SMO: variants seen among roughly 807,000 people sequenced by gnomAD.
SMO encodes protein smoothened.
A neutral mutation model predicts 81.6 loss-of-function variants in SMO; 40 were observed. The observed-to-expected ratio is 0.49, with a 90% CI of 0.38 to 0.64. The LOEUF is 0.64. Among genes scored for constraint, SMO ranks in the 30% least tolerant of loss-of-function variants. SMO has a pLI of 0.00. For missense variants in SMO, 916 were observed against 1,061.1 expected (o/e 0.86, Z 1.90); for synonymous variants, 434 against 432.1 (o/e 1.00, Z -0.05).
chr7:129,211,654 T>A lies in SMO; in HGVS notation c.1820T>A (p.Leu607His), dbSNP rs2150655542. ...CCCACAGCGGGCTTGGCCTTTGACC[T>A]CAATGAGCCCTCAGCTGATGTCTCC... The part of the protein sequence containing the change: ...DGPVAGLAFD[L>H]NEPSADVSSA... Residue 607 changes from leucine (L) to histidine (H), a missense_variant, in exon 11 of 12, where the codon CTC becomes CAC. Around this residue, in one of 4 missense-constraint regions of SMO, gnomAD observed 324 missense variants for 312.9 expected, o/e 1.04. Coordinates refer to ENST00000249373, the MANE Select transcript of SMO (RefSeq NM_005631.5). The surrounding 1 kb of genome is among the most constrained non-coding windows in gnomAD (Gnocchi z 4.6). 3.7e-6 allele frequency: 6 copies of A among 1,613,114 alleles called. No individual in the cohort carries two copies. Among genetic ancestry groups the A allele is most frequent in the Non-Finnish European group, 5.1e-6 (6 of 1,179,972 alleles).
At chr7:129,196,302 A>C (rs1793577420) in intron 1 of SMO, among the ~76,000 whole-genome samples, 1 of 146,486 alleles carries the variant, frequency 6.8e-6, no homozygotes, top group African/African-American at 2.5e-5. Flanking sequence ...ATCACTATCT[A>C]GTAGAGAGTC....
At position 129,212,243 on chromosome 7, in the gene SMO, G is replaced by A. The variant is rs1327533871; in HGVS notation, c.2156G>A (p.Trp719Ter). Reference protein sequence around the residue: ...RQKCLVAAGAWGAGDSCRQGA... With the variant: ...RQKCLVAAGA ...AAATGCCTGGTGGCTGCAGGTGCCT[G>A]GGGAGCTGGGGACTCTTGCCGACAG... The change falls in exon 12 of 12, where the codon TGG becomes TAG. Residue 719 changes from tryptophan (W) to a stop codon, truncating the protein, a stop_gained. Transcript: ENST00000249373. LOFTEE classifies it high-confidence loss of function. This position sits in a 1 kb window ranked among gnomAD's most constrained non-coding sequence, Gnocchi z 5.0. 6 of 1,599,010 alleles carry A rather than the reference G, an allele frequency of 3.8e-6. No homozygotes were observed. Among genetic ancestry groups the A allele is most frequent in the African/African-American group, 2.7e-5 (2 of 74,586 alleles).
chr7:129,197,023 A>AG (rs1793593299), intron 1 of SMO, among the ~76,000 whole-genome samples: 1 of 151,342 alleles, frequency 6.6e-6, no homozygotes, highest in African/African-American at 2.4e-5. Flanking sequence ...TCTCAAAAAA[A>AG]AAAAAAAAAA....
In SMO at chr7:129,208,600, C is replaced by A. The variant is rs1793812310; in HGVS notation, c.1265-159C>A. Reference sequence around the variant, plus strand: ...TGTCTAGGCTCTGCCCTGGTCTTCTCACCATTTCTCCAGTGTCTCTAGCTC... The same window carrying A: ...TGTCTAGGCTCTGCCCTGGTCTTCTAACCATTTCTCCAGTGTCTCTAGCTC... On this transcript the variant is annotated intron_variant, in intron 6 of 11. Transcript: ENST00000249373. This position sits in a 1 kb window ranked among gnomAD's most constrained non-coding sequence, Gnocchi z 5.2. Among the ~76,000 whole-genome samples, 3 of 152,138 alleles carry A rather than the reference C, an allele frequency of 2.0e-5. No individual in the cohort carries two copies. In the South Asian group the frequency reaches 6.2e-4, roughly 32 times the overall value.
At chr7:129,201,939 C>T (rs1244002670) in intron 1 of SMO, among the ~76,000 whole-genome samples, 2 of 152,114 alleles carry the variant, frequency 1.3e-5, no homozygotes, top group African/African-American at 4.8e-5. Flanking sequence ...CCTTTGCCTC[C>T]CAAAGTGCTG....
intron 7 of SMO, 22 bp from the exon 8 acceptor site, chr7:129,209,267 G>A: frequency 6.8e-7 from 1 of 1,467,990 alleles, no homozygotes; most frequent in South Asian, 1.1e-5. Context: ...GTAACGTCCT[G>A]TCCTGCCCCT....
chr7:129,200,277 C>T lies in SMO; in HGVS notation c.332-3107C>T, dbSNP rs191068690. Among the ~76,000 whole-genome samples, 1,079 of 152,106 alleles carry T rather than the reference C, an allele frequency of 7.1e-3. 13 individuals are homozygous for T. Among genetic ancestry groups the T allele is most frequent in the African/African-American group, 0.024 (983 of 41,506 alleles). On this transcript the variant is annotated intron_variant, in intron 1 of 11. Transcript: ENST00000249373. The stretch of plus-strand genomic sequence containing the variant: ...CTAAAAATACAAAAAAAAAATTAGC[C>T]GGGTGTGGTGGCGGGCGCCTGTAAT...
Position 129,212,606 on chromosome 7 carries a change from G to A in SMO, c.*155G>A. 1.4e-6 allele frequency: 1 copy of A among 710,112 alleles called. No homozygotes were observed. Among genetic ancestry groups the A allele is most frequent in the Non-Finnish European group, 2.3e-6 (1 of 435,706 alleles). The allele number at this position is 710,112 out of a possible 1,614,324, so 44.0% of individuals were successfully genotyped here. A position where few individuals can be genotyped will look rare whatever the true frequency, so the allele number is the denominator to read the frequency against. On this transcript the variant is annotated 3_prime_UTR_variant, in exon 12 of 12. Transcript: ENST00000249373. The surrounding 1 kb of genome is among the most constrained non-coding windows in gnomAD (Gnocchi z 5.0). ...AGTTCTGGATGTCTGGCTCAAAGCA[G>A]CAGGACTGTGGGAAAGAGCCTAACA...
At chr7:129,196,327 T>TTGTGTGTGTGTGTGTGTGTGTGTGTG (rs57674265) in intron 1 of SMO, among the ~76,000 whole-genome samples, 2 of 145,030 alleles carry the variant, frequency 1.4e-5, no homozygotes, top group Non-Finnish European at 3.0e-5. Flanking sequence ...CTATTCTTGA[T>TTGTGTGTGTGTGTGTGTGTGTGTGTG]TGTGTGTGTG....
chr7:129,208,035 A>G lies in SMO; in HGVS notation c.1265-724A>G, dbSNP rs1442415896. Among the ~76,000 whole-genome samples the G allele has an allele frequency of 6.6e-6, 1 of 152,182 alleles. No homozygotes were observed. Among genetic ancestry groups the G allele is most frequent in the African/African-American group, 2.4e-5 (1 of 41,448 alleles). On this transcript the variant is annotated intron_variant, in intron 6 of 11. Transcript: ENST00000249373. This position sits in a 1 kb window ranked among gnomAD's most constrained non-coding sequence, Gnocchi z 5.2. Reference sequence around the variant, plus strand: ...ATTAATAATTTGTTACATGGATTACATGTTGAAATGATTTTATTTTGAATA... The same window carrying G: ...ATTAATAATTTGTTACATGGATTACGTGTTGAAATGATTTTATTTTGAATA...
Position 129,213,066 on chromosome 7 carries a change from CCTT to C in SMO, c.*621_*623del, listed in dbSNP as rs1010311698. 8.2e-6 allele frequency: 2 copies of C among 244,768 alleles called. No individual in the cohort carries two copies. Among genetic ancestry groups the C allele is most frequent in the Middle Eastern group, 2.4e-3 (2 of 838 alleles). 15.2% of individuals were successfully genotyped at this position (244,768 alleles called of 1,614,324 possible). On this transcript the variant is annotated 3_prime_UTR_variant, in exon 12 of 12. Coordinates refer to ENST00000249373, the MANE Select transcript of SMO (RefSeq NM_005631.5). ...CCCATCTTTTGTTCTCCTATATCCT[CCTT>C]CTTCTGTTCCATTTCAGTTCAGTTT...
At position 129,205,741 on chromosome 7, in the gene SMO, C is replaced by A. The variant is rs763465260; in HGVS notation, c.879C>A (p.Ile293=). ...AQFMDGARRE[I]VCRADGTMRL... ...TCATGGATGGTGCCCGCCGAGAGATCGTCTGCCGTGCAGATGGCACCATGA... is the reference window on the plus strand; with the variant it reads ...TCATGGATGGTGCCCGCCGAGAGATAGTCTGCCGTGCAGATGGCACCATGA... Residue 293 remains isoleucine, a synonymous_variant, in exon 4 of 12, where the codon ATC becomes ATA. Transcript: ENST00000249373. The A allele has an allele frequency of 1.9e-6, 3 of 1,610,332 alleles. No homozygotes were observed. The highest frequency in any genetic ancestry group is 1.7e-5 in the Admixed American group (1 of 60,034).
rs777367796 is a variant in SMO at position 129,211,903 on chromosome 7, T to C, written c.1937-121T>C. ...CCCCAGAGGATCTGAAGAGTGGGGC[T>C]GAGGCTCTAAGAGTCTAGAGACCTG... On this transcript the variant is annotated intron_variant, in intron 11 of 11. Transcript: ENST00000249373. The surrounding 1 kb of genome is among the most constrained non-coding windows in gnomAD (Gnocchi z 4.6). 1.5e-5 allele frequency: 21 copies of C among 1,419,860 alleles called. No individual in the cohort carries two copies. The highest frequency in any genetic ancestry group is 1.8e-4 in the Middle Eastern group (1 of 5,680). The allele number at this position is 1,419,860 out of a possible 1,614,324, so 88.0% of individuals were successfully genotyped here. A position where few individuals can be genotyped will look rare whatever the true frequency, so the allele number is the denominator to read the frequency against.
At position 129,189,505 on chromosome 7, in the gene SMO, T is replaced by TG. The variant is rs1049977192; in HGVS notation, c.331+29dup. 4 of 1,533,476 alleles carry TG rather than the reference T, an allele frequency of 2.6e-6. No homozygotes were observed. The highest frequency in any genetic ancestry group is 1.4e-5 in the African/African-American group (1 of 72,832). 95.0% of individuals were successfully genotyped at this position (1,533,476 alleles called of 1,614,324 possible). On this transcript the variant is annotated intron_variant, in intron 1 of 11. Transcript: ENST00000249373. The surrounding 1 kb of genome is among the most constrained non-coding windows in gnomAD (Gnocchi z 4.7). ...CGGGTAAGTGCGGCGGAGCCGGGTC[T>TG]GGGGGGCGGGAGGTGCCGCGGTAAG...
At chr7:129,202,398 C>T (rs953829517) in intron 1 of SMO, among the ~76,000 whole-genome samples, 20 of 152,152 alleles carry the variant, frequency 1.3e-4, no homozygotes, top group Non-Finnish European at 2.6e-4. Context: ...GTCTCTACCA[C>T]CCCCAGCCTG....
At chr7:129,199,843 CT>C (rs1793642405) in intron 1 of SMO, among the ~76,000 whole-genome samples, 1 of 152,070 alleles carries the variant, frequency 6.6e-6, no homozygotes, top group Non-Finnish European at 1.5e-5. Flanking sequence ...AACTTTTATA[CT>C]TTTTATCACA....
At position 129,210,193 on chromosome 7, in the gene SMO, C is replaced by T; in HGVS notation, c.1467-170C>T. ...CAGAAAACCCCACCTGTAGTCCCAG[C>T]TACTTGGGAGGCTGAAGCAGGAGAT... On this transcript the variant is annotated intron_variant, in intron 8 of 11. Coordinates refer to ENST00000249373, the MANE Select transcript of SMO (RefSeq NM_005631.5). The surrounding 1 kb of genome is among the most constrained non-coding windows in gnomAD (Gnocchi z 4.7). 1 of 587,798 alleles carries T rather than the reference C, an allele frequency of 1.7e-6. No homozygotes were observed. Among genetic ancestry groups the T allele is most frequent in the Non-Finnish European group, 3.0e-6 (1 of 330,382 alleles). The allele number at this position is 587,798 out of a possible 1,614,324, so 36.4% of individuals were successfully genotyped here. A position where few individuals can be genotyped will look rare whatever the true frequency, so the allele number is the denominator to read the frequency against.
In SMO at chr7:129,208,874, G is replaced by T. The variant is rs780425545; in HGVS notation, c.1357+23G>T. The stretch of plus-strand genomic sequence containing the variant: ...TGGGTGAGTGGCCCCGGGGGACTTC[G>T]GTCTGAGGTCCTGGCCAGCCCAACA... On this transcript the variant is annotated intron_variant, in intron 7 of 11. Coordinates refer to ENST00000249373, the MANE Select transcript of SMO (RefSeq NM_005631.5). This position sits in a 1 kb window ranked among gnomAD's most constrained non-coding sequence, Gnocchi z 5.2. The T allele has an allele frequency of 9.7e-6, 15 of 1,554,316 alleles. No homozygotes were observed. Among genetic ancestry groups the T allele is most frequent in the Non-Finnish European group, 1.3e-5 (15 of 1,127,800 alleles).
Position 129,211,185 on chromosome 7 carries a change from C to A in SMO, c.1801+72C>A, listed in dbSNP as rs2150655068. Reference sequence around the variant, plus strand: ...CCATGTGCTAGTCTCTCCCAGCCTGCTGGGGGCACACAGATTATTTGGAAG... The same window carrying A: ...CCATGTGCTAGTCTCTCCCAGCCTGATGGGGGCACACAGATTATTTGGAAG... On this transcript the variant is annotated intron_variant, in intron 10 of 11. Transcript: ENST00000249373. This position sits in a 1 kb window ranked among gnomAD's most constrained non-coding sequence, Gnocchi z 4.6. The A allele has an allele frequency of 6.8e-7, 1 of 1,479,904 alleles. No homozygotes were observed. Among genetic ancestry groups the A allele is most frequent in the Non-Finnish European group, 9.2e-7 (1 of 1,083,352 alleles). 91.7% of individuals were successfully genotyped at this position (1,479,904 alleles called of 1,614,324 possible). A position where few individuals can be genotyped will look rare whatever the true frequency, so the allele number is the denominator to read the frequency against.
Sources: gnomAD v4.1 joint callset for allele counts (sites outside exome capture counted in the v4.1 genomes callset) on GRCh38, gnomAD v4.1.1 for gene constraint, gnomAD v4.1.1 regional missense constraint, Gnocchi (gnomAD v3.1) non-coding constraint, MANE v1.5 for transcripts, NCBI Gene and HGNC (gene_info 2026-07-23, HGNC 2026-07-21) for gene names.